Variants in STAC observed in about 807,000 individuals in gnomAD.
STAC encodes SH3 and cysteine-rich domain-containing protein.
A neutral mutation model predicts 48.8 loss-of-function variants in STAC; 43 were observed. The observed-to-expected ratio is 0.88, with a 90% CI of 0.69 to 1.14. The LOEUF is 1.14. STAC is among the 50% of genes most tolerant of loss of function. STAC has a pLI of 0.00. For missense variants in STAC, 497 were observed against 504.0 expected, an observed-to-expected ratio of 0.99 and a Z score of 0.13; for synonymous variants, 193 against 179.5, an observed-to-expected ratio of 1.07 and a Z score of -0.60.
chr3:36,486,389 C>T (rs1697817403), intron 5 of STAC, 140 bp downstream of exon 5: 3 of 633,032 alleles, frequency 4.7e-6, no homozygotes, highest in East Asian at 3.0e-5. Flanking sequence ...CAAAGAGAAA[C>T]CCAAAGTGCT....
chr3:36,542,143 T>C (rs546722529), intron 10 of STAC, among the ~76,000 whole-genome samples: 5 of 152,168 alleles, frequency 3.3e-5, no homozygotes, highest in African/African-American at 9.6e-5. Context: ...TAGAAAGAAT[T>C]GTTTTAAATA....
At chr3:36,477,031 T>C (rs1697511413) in intron 2 of STAC, among the ~76,000 whole-genome samples, 1 of 152,242 alleles carries the variant, frequency 6.6e-6, no homozygotes, top group African/African-American at 2.4e-5. Flanking sequence ...GAATCACTTA[T>C]AGATACTTTA....
At chr3:36,528,801 A>G in intron 9 of STAC, 47 bp from the exon 10 acceptor site, 1 of 1,607,316 alleles carries the variant, frequency 6.2e-7, no homozygotes, top group Non-Finnish European at 8.5e-7. Context: ...GGTAACTATT[A>G]TAATACATGC....
rs1696408273 is a variant in STAC at position 36,443,267 on chromosome 3, G to A, written c.112-97G>A. On this transcript the variant is annotated intron_variant, in intron 1 of 10. Transcript: ENST00000273183. This position sits in a 1 kb window ranked among gnomAD's most constrained non-coding sequence, Gnocchi z 4.2. ...CCTCCTCAAGACGGAGGGTGTCAGT[G>A]GGGACTGTGTAGTGCACACAGCAGA... is the stretch of plus-strand genomic sequence containing the variant. 2 of 1,405,842 alleles carry A rather than the reference G, an allele frequency of 1.4e-6. No homozygotes were observed. The highest frequency in any genetic ancestry group is 3.8e-5 in the Admixed American group (2 of 52,952). The allele number at this position is 1,405,842 out of a possible 1,614,324, so 87.1% of individuals were successfully genotyped here. A position where few individuals can be genotyped will look rare whatever the true frequency, so the allele number is the denominator to read the frequency against.
chr3:36,429,860 G>C (rs1254298225), intron 1 of STAC, among the ~76,000 whole-genome samples: 1 of 152,212 alleles, frequency 6.6e-6, no homozygotes, highest in African/African-American at 2.4e-5. Context: ...GCTGCTGGAA[G>C]ATAAGACTGC....
intron 2 of STAC, among the ~76,000 whole-genome samples, chr3:36,470,670 C>T (rs542849828): frequency 5.3e-5 from 8 of 152,342 alleles, no homozygotes; most frequent in South Asian, 4.1e-4. Context: ...CTGGTATGCT[C>T]CTGTGGTAGT....
intron 1 of STAC, among the ~76,000 whole-genome samples, chr3:36,392,142 A>C (rs1699762137): frequency 6.6e-6 from 1 of 152,180 alleles, no homozygotes; most frequent in African/African-American, 2.4e-5. Flanking sequence ...TAGAAGCACA[A>C]GGCTGCAAGG....
At chr3:36,516,599 A>C (rs1698677891) in intron 8 of STAC, among the ~76,000 whole-genome samples, 1 of 152,188 alleles carries the variant, frequency 6.6e-6, no homozygotes, top group African/African-American at 2.4e-5. Context: ...GACCATGATA[A>C]TTCTCTATCT....
chr3:36,490,005 C>G (rs1206271549), intron 5 of STAC, among the ~76,000 whole-genome samples: 1 of 152,130 alleles, frequency 6.6e-6, no homozygotes, highest in Non-Finnish European at 1.5e-5. Context: ...CGAACGATTT[C>G]CATTTTAAAA....
At chr3:36,519,016 T>C (rs1449376241) in intron 8 of STAC, among the ~76,000 whole-genome samples, 1 of 151,970 alleles carries the variant, frequency 6.6e-6, no homozygotes, top group Non-Finnish European at 1.5e-5. Flanking sequence ...CAAAGGGACG[T>C]GAAAGAAGCT....
chr3:36,490,529 C>T (rs1039113065), intron 5 of STAC, among the ~76,000 whole-genome samples: 14 of 152,154 alleles, frequency 9.2e-5, no homozygotes, highest in Non-Finnish European at 1.5e-4. Context: ...CTCTTCCATG[C>T]TTGTGGGAGG....
chr3:36,422,651 A>G (rs927550358), intron 1 of STAC, among the ~76,000 whole-genome samples: 1 of 152,140 alleles, frequency 6.6e-6, no homozygotes, highest in Admixed American at 6.5e-5. Context: ...GTCTCTGCCA[A>G]CAGAGGCCAC....
intron 2 of STAC, among the ~76,000 whole-genome samples, chr3:36,457,867 A>G (rs1364691865): frequency 6.6e-6 from 1 of 152,232 alleles, no homozygotes; most frequent in African/African-American, 2.4e-5. Flanking sequence ...TCCAACCACA[A>G]GGCCCTCAGC....
intron 2 of STAC, among the ~76,000 whole-genome samples, chr3:36,444,619 T>C (rs978479925): frequency 3.9e-5 from 6 of 152,216 alleles, no homozygotes; most frequent in African/African-American, 1.4e-4. Context: ...TTAAGTTATG[T>C]GGCCAAATCC....
In STAC at chr3:36,483,108, A is replaced by G. The variant is rs1337421625; in HGVS notation, c.489+16A>G. 6.3e-7 allele frequency: 1 copy of G among 1,595,650 alleles called. No homozygotes were observed. The highest frequency in any genetic ancestry group is 1.1e-5 in the South Asian group (1 of 90,652). On this transcript the variant is annotated intron_variant, in intron 3 of 10. Coordinates refer to ENST00000273183, the MANE Select transcript of STAC (RefSeq NM_003149.3). ...GGGCAAGCTGGTAAGGGCTTGTGCCAGGAGTGAGGCCCACACCTCTCTGCT... is the reference window on the plus strand; with the variant it reads ...GGGCAAGCTGGTAAGGGCTTGTGCCGGGAGTGAGGCCCACACCTCTCTGCT...
At chr3:36,503,504 T>C (rs115121764) in intron 6 of STAC, among the ~76,000 whole-genome samples, 286 of 152,262 alleles carry the variant, frequency 1.9e-3, no homozygotes, top group African/African-American at 6.5e-3. Flanking sequence ...GATCTTACCT[T>C]ACTGCAACCT....
chr3:36,540,940 CAAACTT>C (rs909279603), intron 10 of STAC, among the ~76,000 whole-genome samples: 33 of 152,240 alleles, frequency 2.2e-4, no homozygotes, highest in African/African-American at 7.9e-4. Flanking sequence ...AAATCAAACT[CAAACTT>C]AAAGGGTCTA....
Position 36,546,506 on chromosome 3 carries a change from G to C in STAC, c.*217G>C. ...CTGCCACAGGTGGGGACGAGGCTGA[G>C]AGAGTCAGCAGGCAGAGCCAGATGC... On this transcript the variant is annotated 3_prime_UTR_variant, in exon 11 of 11. Transcript: ENST00000273183. 1.8e-6 allele frequency: 1 copy of C among 568,650 alleles called. No individual in the cohort carries two copies. Among genetic ancestry groups the C allele is most frequent in the South Asian group, 2.4e-5 (1 of 41,180 alleles). 35.2% of individuals were successfully genotyped at this position (568,650 alleles called of 1,614,324 possible). A position where few individuals can be genotyped will look rare whatever the true frequency, so the allele number is the denominator to read the frequency against.
At chr3:36,426,038 C>CA (rs376064034) in intron 1 of STAC, among the ~76,000 whole-genome samples, 1 of 147,290 alleles carries the variant, frequency 6.8e-6, no homozygotes, top group African/African-American at 2.4e-5. Context: ...TCTCAAAAAA[C>CA]AAAAAACAAA....
Sources: gnomAD v4.1 joint callset for allele counts (sites outside exome capture counted in the v4.1 genomes callset) on GRCh38, gnomAD v4.1.1 for gene constraint, Gnocchi (gnomAD v3.1) non-coding constraint, MANE v1.5 for transcripts, NCBI Gene and HGNC (gene_info 2026-07-23, HGNC 2026-07-21) for gene names.